Variants in CLCN6 observed in about 807,000 individuals in gnomAD.
The protein encoded by CLCN6 is H(+)/Cl(-) exchange transporter 6.
A neutral mutation model predicts 109.8 loss-of-function variants in CLCN6; 70 were observed. The observed-to-expected ratio is 0.64, with a 90% CI of 0.53 to 0.78. The LOEUF (loss-of-function observed/expected upper bound fraction) is 0.78. Among genes scored for constraint, CLCN6 ranks in the 30% least tolerant of loss-of-function variants. The pLI is 0.00. For missense variants in CLCN6, 984 were observed against 1,142.3 expected (o/e 0.86, Z 2.00); for synonymous variants, 444 against 447.8 (o/e 0.99, Z 0.11).
chr1:11,815,330 A>C (rs564086314), intron 2 of CLCN6, among the ~76,000 whole-genome samples: 9 of 152,316 alleles, frequency 5.9e-5, no homozygotes, highest in Admixed American at 5.9e-4. Flanking sequence ...AACACCACTC[A>C]AATTTTAATG....
Position 11,838,216 on chromosome 1 carries a change from C to T in CLCN6, c.2296-119C>T, listed in dbSNP as rs1644974347. 3 of 891,118 alleles carry T rather than the reference C, an allele frequency of 3.4e-6. No homozygotes were observed. The Admixed American group carries it at 7.0e-5, about 21-fold the overall frequency. 55.2% of individuals were successfully genotyped at this position (891,118 alleles called of 1,614,324 possible). A position where few individuals can be genotyped will look rare whatever the true frequency, so the allele number is the denominator to read the frequency against. The stretch of plus-strand genomic sequence containing the variant: ...CACTCTGGAGCGCTTGCTGCTGCTG[C>T]ACCACCTGCCTCAGCAGCCTGGAGC... On this transcript the variant is annotated intron_variant, in intron 20 of 22. Coordinates refer to ENST00000346436, the MANE Select transcript of CLCN6 (RefSeq NM_001286.5).
At chr1:11,838,741 C>T (rs757427358) in intron 22 of CLCN6, 81 bp downstream of exon 22, 5 of 1,598,286 alleles carry the variant, frequency 3.1e-6, no homozygotes, top group East Asian at 4.5e-5. Context: ...AGGCTTCTCA[C>T]CAGAAACGTA....
At chr1:11,810,134 A>G (rs911876221) in intron 2 of CLCN6, among the ~76,000 whole-genome samples, 4 of 152,222 alleles carry the variant, frequency 2.6e-5, no homozygotes, top group Non-Finnish European at 4.4e-5. Context: ...TAGTCAGTCA[A>G]CTAGAAAACC....
At chr1:11,821,320 G>A (rs1644740532) in intron 5 of CLCN6, among the ~76,000 whole-genome samples, 1 of 152,196 alleles carries the variant, frequency 6.6e-6, no homozygotes, top group Admixed American at 6.5e-5. Context: ...CACTTTGGGA[G>A]GCCGAGGCAG....
At chr1:11,814,559 T>A (rs559934086) in intron 2 of CLCN6, among the ~76,000 whole-genome samples, 1 of 152,196 alleles carries the variant, frequency 6.6e-6, no homozygotes, top group Non-Finnish European at 1.5e-5. Context: ...AGACTGCTGC[T>A]TCTCTAACAA....
chr1:11,819,494 C>G lies in CLCN6; in HGVS notation c.286C>G (p.Leu96Val). ...GATCTCTTGCTCTTCACAGGTGGGT[C>G]TCTTTGTGGACTTTTTTGTGCGACT... ...AIGVCTGLVGLFVDFFVRLFT... is the reference protein window; with the variant it reads ...AIGVCTGLVGVFVDFFVRLFT... The change falls in exon 5 of 23, where the codon CTC (leucine) becomes GTC (valine). Residue 96 changes from leucine (L) to valine (V), a missense_variant. Leu to Val is a conservative substitution (Grantham distance 32). Coordinates refer to ENST00000346436, the MANE Select transcript of CLCN6 (RefSeq NM_001286.5). 6.2e-7 allele frequency: 1 copy of G among 1,614,114 alleles called. No individual in the cohort carries two copies. Among genetic ancestry groups the G allele is most frequent in the Non-Finnish European group, 8.5e-7 (1 of 1,179,992 alleles).
chr1:11,828,083 G>C, intron 10 of CLCN6, 23 bp from the exon 11 acceptor site: 1 of 1,574,320 alleles, frequency 6.4e-7, no homozygotes, highest in South Asian at 1.1e-5. Flanking sequence ...GAACCTTCTT[G>C]TCTTTTGTCA....
At chr1:11,828,837 G>A (rs546412541) in intron 12 of CLCN6, among the ~76,000 whole-genome samples, 9 of 152,164 alleles carry the variant, frequency 5.9e-5, no homozygotes, top group Middle Eastern at 3.2e-3. Flanking sequence ...TTGACTCCCT[G>A]CCTGTCCTGA....
intron 4 of CLCN6, among the ~76,000 whole-genome samples, chr1:11,817,796 C>T (rs1459366635): frequency 6.6e-6 from 1 of 152,094 alleles, no homozygotes; most frequent in African/African-American, 2.4e-5. Flanking sequence ...GCCACAGGGG[C>T]CAACCACAAT....
intron 2 of CLCN6, among the ~76,000 whole-genome samples, chr1:11,811,085 C>A (rs1644592453): frequency 6.6e-6 from 1 of 152,030 alleles, no homozygotes; most frequent in East Asian, 1.9e-4. Flanking sequence ...TGGTGGCTAA[C>A]CTGTGGTCCC....
chr1:11,811,346 A>T (rs1244104378), intron 2 of CLCN6, among the ~76,000 whole-genome samples: 1 of 151,996 alleles, frequency 6.6e-6, no homozygotes, highest in South Asian at 2.1e-4. Flanking sequence ...TTTAAAAATT[A>T]GTATATTCAC....
chr1:11,827,247 T>A, intron 10 of CLCN6, 26 bp downstream of exon 10: 1 of 1,600,528 alleles, frequency 6.2e-7, no homozygotes, highest in Non-Finnish European at 8.5e-7. Context: ...AGTGAAAGCA[T>A]TAACCACACC....
At chr1:11,832,935 G>T (rs1371990650) in intron 13 of CLCN6, among the ~76,000 whole-genome samples, 9 of 151,970 alleles carry the variant, frequency 5.9e-5, no homozygotes, top group African/African-American at 2.2e-4. Flanking sequence ...CCCAGATGGG[G>T]TCTAGAAGGA....
At chr1:11,826,279 C>A in intron 9 of CLCN6, 65 bp downstream of exon 9, 1 of 1,301,698 alleles carries the variant, frequency 7.7e-7, no homozygotes, top group Non-Finnish European at 1.1e-6. Context: ...GCGGGTCAGA[C>A]TCGACACTTG....
At position 11,834,047 on chromosome 1, in the gene CLCN6, C is replaced by T. The variant is rs374224891; in HGVS notation, c.1526+17C>T. The T allele has an allele frequency of 9.9e-5, 159 of 1,611,658 alleles. No individual in the cohort carries two copies. The Middle Eastern group carries it at 2.3e-3, about 24-fold the overall frequency. On this transcript the variant is annotated intron_variant, in intron 15 of 22. Coordinates refer to ENST00000346436, the MANE Select transcript of CLCN6 (RefSeq NM_001286.5). The surrounding 1 kb of genome is among the most constrained non-coding windows in gnomAD (Gnocchi z 4.5). ...CCTAAAAAGGTACTCTGTGTGTGTG[C>T]GTGTGTGTGCGCATGTGCATGTGTG...
chr1:11,826,065 TTC>T (rs1644807597), intron 8 of CLCN6, 89 bp from the exon 9 acceptor site: 2 of 995,096 alleles, frequency 2.0e-6, no homozygotes, highest in Non-Finnish European at 3.1e-6. Flanking sequence ...CTGACCTGTG[TTC>T]TTTTTTTTTT....
In CLCN6 at chr1:11,823,892, A is replaced by ATGAT. The variant is rs1276924393; in HGVS notation, c.580+60_580+63dup. The ATGAT allele has an allele frequency of 3.1e-6, 5 of 1,601,924 alleles. No homozygotes were observed. In the East Asian group the frequency reaches 1.1e-4, roughly 36 times the overall value. On this transcript the variant is annotated intron_variant, in intron 7 of 22. Coordinates refer to ENST00000346436, the MANE Select transcript of CLCN6 (RefSeq NM_001286.5). ...TCAAAGGGCAGAGACGACAAGAAGCATGATGTATTTCAGTTATTAGATTTG... is the reference window on the plus strand; with the variant it reads ...TCAAAGGGCAGAGACGACAAGAAGCATGATTGATGTATTTCAGTTATTAGATTTG...
In CLCN6 at chr1:11,806,490, A is replaced by G. The variant is rs1644512662; in HGVS notation, c.87+141A>G. 7 of 641,194 alleles carry G rather than the reference A, an allele frequency of 1.1e-5. No homozygotes were observed. The Admixed American group carries it at 3.0e-4, about 27-fold the overall frequency. The allele number at this position is 641,194 out of a possible 1,614,324, so 39.7% of individuals were successfully genotyped here. On this transcript the variant is annotated intron_variant, in intron 1 of 22. Transcript: ENST00000346436. ...TGGGGACCGCAGCCAGGGCTCTCGAAGCGTCTACCCTGCTTCACGTGCCTA... is the reference window on the plus strand; with the variant it reads ...TGGGGACCGCAGCCAGGGCTCTCGAGGCGTCTACCCTGCTTCACGTGCCTA...
At chr1:11,827,880 A>G (rs1017032926) in intron 10 of CLCN6, among the ~76,000 whole-genome samples, 4 of 152,200 alleles carry the variant, frequency 2.6e-5, no homozygotes, top group African/African-American at 9.7e-5. Flanking sequence ...AAGGCTGTAA[A>G]TAGGCTCTCA....
Sources: gnomAD v4.1 joint callset for allele counts (sites outside exome capture counted in the v4.1 genomes callset) on GRCh38, gnomAD v4.1.1 for gene constraint, Gnocchi (gnomAD v3.1) non-coding constraint, MANE v1.5 for transcripts, NCBI Gene and HGNC (gene_info 2026-07-23, HGNC 2026-07-21) for gene names.